The following SMG6 variants were observed in gnomAD, a reference collection of about 807,000 sequenced individuals.
SMG6 encodes the protein SMG6 nonsense mediated mRNA decay factor, also known as telomerase-binding protein EST1A.
Under a neutral mutation model 142.2 loss-of-function variants are expected in SMG6, and 66 were observed. The observed-to-expected ratio is 0.46, with a 90% CI of 0.38 to 0.57. The LOEUF (loss-of-function observed/expected upper bound fraction) is 0.57. SMG6 is among the 20% of genes least tolerant of loss of function. SMG6 has a pLI of 0.00. For synonymous variants in SMG6, 779 were observed against 702.4 expected, an observed-to-expected ratio of 1.11 and a Z score of -1.72; for missense variants, 1,793 against 1,832.0, an observed-to-expected ratio of 0.98 and a Z score of 0.39.
In SMG6 at chr17:2,121,574, T is replaced by C. The variant is rs2069691308; in HGVS notation, c.3358-35673A>G. Among the ~76,000 whole-genome samples the C allele has an allele frequency of 2.1e-5, 3 of 146,216 alleles. No homozygotes were observed. The South Asian group carries it at 6.6e-4, about 32-fold the overall frequency. ...ACACACACACACATATATGTATATA[T>C]GTACATGTCTGTCTGTGTGTGTGTG... On this transcript the variant is annotated intron_variant, in intron 13 of 18. Coordinates refer to ENST00000263073, the MANE Select transcript of SMG6 (RefSeq NM_017575.5).
intron 13 of SMG6, among the ~76,000 whole-genome samples, chr17:2,138,498 T>C (rs890860976): frequency 6.6e-6 from 1 of 152,188 alleles, no homozygotes; most frequent in Non-Finnish European, 1.5e-5. Context: ...GCCACCAGCC[T>C]GACCCCTCCC....
At chr17:2,260,519 C>G (rs769108359) in intron 8 of SMG6, among the ~76,000 whole-genome samples, 3 of 152,214 alleles carry the variant, frequency 2.0e-5, no homozygotes, top group Non-Finnish European at 4.4e-5. Flanking sequence ...AATCTTTTAT[C>G]TTTGATCCAA....
At chr17:2,203,359 G>C (rs915948209) in intron 10 of SMG6, among the ~76,000 whole-genome samples, 3 of 152,178 alleles carry the variant, frequency 2.0e-5, no homozygotes, top group African/African-American at 7.2e-5. Context: ...GAGTCCCTTA[G>C]TAATGGGGCC....
chr17:2,140,044 T>C (rs1032635901), intron 13 of SMG6, among the ~76,000 whole-genome samples: 6 of 147,600 alleles, frequency 4.1e-5, no homozygotes, highest in African/African-American at 1.5e-4. Context: ...GCCTGTTAAC[T>C]AATTTTTTTT....
At chr17:2,220,228 G>A (rs1020065862) in intron 10 of SMG6, among the ~76,000 whole-genome samples, 3 of 152,068 alleles carry the variant, frequency 2.0e-5, no homozygotes, top group Non-Finnish European at 4.4e-5. Flanking sequence ...AACATGAAAC[G>A]CAGACAAAAA....
intron 13 of SMG6, among the ~76,000 whole-genome samples, chr17:2,131,585 C>A (rs1459385785): frequency 6.6e-6 from 1 of 152,086 alleles, no homozygotes; most frequent in Non-Finnish European, 1.5e-5. Context: ...CAGGCATGAG[C>A]CCCCATGCCC....
chr17:2,218,964 T>C (rs2073096815), intron 10 of SMG6, among the ~76,000 whole-genome samples: 1 of 152,252 alleles, frequency 6.6e-6, no homozygotes, highest in Non-Finnish European at 1.5e-5. Flanking sequence ...TTCTGTTCAA[T>C]CTTGATGTGA....
intron 10 of SMG6, among the ~76,000 whole-genome samples, chr17:2,204,280 G>A (rs1421892666): frequency 6.6e-6 from 1 of 152,218 alleles, no homozygotes; most frequent in African/African-American, 2.4e-5. Flanking sequence ...AGAATGTAAA[G>A]ATTAGAGTCA....
intron 13 of SMG6, among the ~76,000 whole-genome samples, chr17:2,162,216 TAAA>T (rs1481745522): frequency 6.6e-6 from 1 of 152,056 alleles, no homozygotes; most frequent in Non-Finnish European, 1.5e-5. Context: ...CTATTTCTGT[TAAA>T]AAGCAAAAAT....
intron 5 of SMG6, 46 bp downstream of exon 5, chr17:2,292,825 T>G (rs1452221057): frequency 1.3e-6 from 2 of 1,553,732 alleles, no homozygotes; most frequent in Non-Finnish European, 8.9e-7. Context: ...AGGCTTAGCT[T>G]AGAGCCACAT....
intron 10 of SMG6, among the ~76,000 whole-genome samples, chr17:2,209,522 C>G (rs939297763): frequency 3.3e-5 from 5 of 152,138 alleles, no homozygotes; most frequent in Admixed American, 2.6e-4. Context: ...GTCACCACGC[C>G]CCGGCTAACT....
chr17:2,186,945 A>G (rs2072008203), intron 11 of SMG6, 114 bp from the exon 12 acceptor site: 2 of 1,125,954 alleles, frequency 1.8e-6, no homozygotes, highest in Non-Finnish European at 2.5e-6. Flanking sequence ...TCCACAGGAA[A>G]GATAGGCCCA....
At chr17:2,112,949 G>C (rs2069384643) in intron 13 of SMG6, among the ~76,000 whole-genome samples, 1 of 151,858 alleles carries the variant, frequency 6.6e-6, no homozygotes, top group Non-Finnish European at 1.5e-5. Flanking sequence ...GTAGAGATGG[G>C]GTTTCACCAT....
chr17:2,089,083 G>A (rs895470881), intron 13 of SMG6, among the ~76,000 whole-genome samples: 2 of 150,974 alleles, frequency 1.3e-5, no homozygotes, highest in South Asian at 4.1e-4. Flanking sequence ...TGGTAGGAGA[G>A]GGGTTAAAGC....
rs956587819 is a variant in SMG6 at position 2,085,127 on chromosome 17, C to A, written c.3534+598G>T. Among the ~76,000 whole-genome samples the A allele has an allele frequency of 3.9e-5, 6 of 152,100 alleles. No homozygotes were observed. The highest frequency in any genetic ancestry group is 1.9e-4 in the East Asian group (1 of 5,184). On this transcript the variant is annotated intron_variant, in intron 14 of 18. Transcript: ENST00000263073. This position sits in a 1 kb window ranked among gnomAD's most constrained non-coding sequence, Gnocchi z 4.1. The stretch of plus-strand genomic sequence containing the variant: ...AGGCTCATGCATGTGCATGCGCGTG[C>A]GCACACACACACACAGACGCGCACA...
At chr17:2,243,090 T>C (rs1319522888) in intron 9 of SMG6, among the ~76,000 whole-genome samples, 1 of 152,154 alleles carries the variant, frequency 6.6e-6, no homozygotes, top group African/African-American at 2.4e-5. Flanking sequence ...GGACCAGTGA[T>C]GCATCTAGTT....
chr17:2,105,236 T>C (rs771146963), intron 13 of SMG6, among the ~76,000 whole-genome samples: 2 of 150,700 alleles, frequency 1.3e-5, no homozygotes, highest in Non-Finnish European at 3.0e-5. Flanking sequence ...CTACTTCAAG[T>C]CTTTCTCACT....
intron 13 of SMG6, among the ~76,000 whole-genome samples, chr17:2,098,893 A>C (rs1463710973): frequency 6.6e-6 from 1 of 152,158 alleles, no homozygotes; most frequent in African/African-American, 2.4e-5. Flanking sequence ...AGCCTCCCAA[A>C]GGGCTGGAAT....
At chr17:2,135,324 G>A (rs1338677091) in intron 13 of SMG6, among the ~76,000 whole-genome samples, 5 of 152,128 alleles carry the variant, frequency 3.3e-5, no homozygotes, top group Non-Finnish European at 4.4e-5. Context: ...TATTTGTGGT[G>A]AGAACATTAA....
Sources: gnomAD v4.1 joint callset for allele counts (sites outside exome capture counted in the v4.1 genomes callset) on GRCh38, gnomAD v4.1.1 for gene constraint, Gnocchi (gnomAD v3.1) non-coding constraint, MANE v1.5 for transcripts, NCBI Gene and HGNC (gene_info 2026-07-23, HGNC 2026-07-21) for gene names.